Variants in CAPN14 observed in about 807,000 individuals in gnomAD.
CAPN14 encodes the protein calpain 14.
Under a neutral mutation model 101.3 loss-of-function variants are expected in CAPN14, and 94 were observed. The observed-to-expected ratio is 0.93, with a 90% CI of 0.79 to 1.10. CAPN14 has a LOEUF of 1.10. Among genes scored for constraint, CAPN14 ranks in the 50% least tolerant of loss-of-function variants. CAPN14 has a pLI of 0.00. For synonymous variants in CAPN14, 338 were observed against 317.9 expected (o/e 1.06, Z -0.67); for missense variants, 837 against 828.4 (o/e 1.01, Z -0.13).
intron 10 of CAPN14, 143 bp downstream of exon 10, chr2:31,192,988 G>A: frequency 1.3e-6 from 1 of 798,040 alleles, no homozygotes; most frequent in Non-Finnish European, 2.0e-6. Flanking sequence ...TTATAGCCCA[G>A]GGCCCCAACA....
chr2:31,181,400 TTC>T (rs1326036911), intron 16 of CAPN14, among the ~76,000 whole-genome samples: 1 of 57,884 alleles, frequency 1.7e-5, no homozygotes, highest in Non-Finnish European at 4.7e-5. Flanking sequence ...CTTTCTTTTT[TTC>T]TTTCTTTCTT....
intron 17 of CAPN14, among the ~76,000 whole-genome samples, chr2:31,180,494 A>C (rs60854003): frequency 0.33 from 50,605 of 151,966 alleles, 10,015 homozygotes; most frequent in African/African-American, 0.55. Context: ...TTCCCTGAGC[A>C]CTGGTTTCCT....
At chr2:31,181,435 T>C (rs571907957) in intron 16 of CAPN14, among the ~76,000 whole-genome samples, 219 of 142,390 alleles carry the variant, frequency 1.5e-3, no homozygotes, top group Middle Eastern at 3.5e-3. Flanking sequence ...TCTTTCTTTC[T>C]TTCTTTCTTT....
intron 1 of CAPN14, chr2:31,228,442 C>A (rs1683091388): frequency 6.6e-6 from 1 of 152,156 alleles, no homozygotes; most frequent in Admixed American, 6.6e-5. Flanking sequence ...CATAGTGTCA[C>A]CCCTAAGAAC....
chr2:31,217,313 G>A (rs1682695508), intron 1 of CAPN14, 143 bp downstream of exon 1: 1 of 152,064 alleles, frequency 6.6e-6, no homozygotes, highest in Admixed American at 6.6e-5. Context: ...CAGACTCCAG[G>A]GTTTTTTCTG....
chr2:31,181,404 TTCTTTCTTTC>T (rs1413235078), intron 16 of CAPN14, among the ~76,000 whole-genome samples: 6 of 115,584 alleles, frequency 5.2e-5, no homozygotes, highest in African/African-American at 1.6e-4. Flanking sequence ...CTTTTTTTCT[TTCTTTCTTTC>T]TTTCTTTCTT....
Position 31,200,574 on chromosome 2 carries a change from A to G in CAPN14, c.603T>C (p.Leu201=). ...DLQSGQVSEA[L]VDFTGGVTMT... ...TTGTCACCCCTCCAGTGAAGTCTAC[A>G]AGGGCTTCAGACACCTGTCCTGACT... The change falls in exon 6 of 22, where the codon CTT becomes CTC. Residue 201 remains leucine, a synonymous_variant. Transcript: ENST00000403897. 1 of 1,551,660 alleles carries G rather than the reference A, an allele frequency of 6.4e-7. No individual in the cohort carries two copies. The highest frequency in any genetic ancestry group is 8.7e-7 in the Non-Finnish European group (1 of 1,146,960).
At chr2:31,188,655 G>A (rs1233777405) in intron 13 of CAPN14, among the ~76,000 whole-genome samples, 4 of 152,158 alleles carry the variant, frequency 2.6e-5, no homozygotes, top group Non-Finnish European at 5.9e-5. Context: ...ACCTGTGGCC[G>A]AGACATAAAA....
intron 1 of CAPN14, among the ~76,000 whole-genome samples, chr2:31,212,589 C>T (rs1442135464): frequency 6.6e-6 from 1 of 152,108 alleles, no homozygotes; most frequent in Non-Finnish European, 1.5e-5. Context: ...GTGGGAAAAA[C>T]TGAGATCCTA....
intron 1 of CAPN14, among the ~76,000 whole-genome samples, chr2:31,216,963 A>C (rs1323045253): frequency 4.6e-5 from 7 of 152,172 alleles, no homozygotes; most frequent in African/African-American, 1.2e-4. Context: ...GCCCAGCCTC[A>C]CTGCTTATCA....
intron 2 of CAPN14, among the ~76,000 whole-genome samples, chr2:31,224,296 G>A (rs1572449300): frequency 6.6e-6 from 1 of 151,986 alleles, no homozygotes; most frequent in Non-Finnish European, 1.5e-5. Flanking sequence ...ACATATGAAG[G>A]CTTCTATACA....
At chr2:31,180,720 T>C (rs1680550433) in intron 17 of CAPN14, among the ~76,000 whole-genome samples, 2 of 152,178 alleles carry the variant, frequency 1.3e-5, no homozygotes, top group South Asian at 4.1e-4. Context: ...TTACCTGTAT[T>C]ATCTCATTTG....
chr2:31,177,491 C>T (rs1680364467), intron 19 of CAPN14, among the ~76,000 whole-genome samples: 1 of 152,116 alleles, frequency 6.6e-6, no homozygotes, highest in Non-Finnish European at 1.5e-5. Flanking sequence ...CAATTTCTTC[C>T]TCTGTGAAGT....
chr2:31,215,077 T>C (rs1468967871), intron 1 of CAPN14, among the ~76,000 whole-genome samples: 1 of 152,180 alleles, frequency 6.6e-6, no homozygotes, highest in African/African-American at 2.4e-5. Context: ...GCTGCCCTGC[T>C]CTGACACTTT....
intron 8 of CAPN14, among the ~76,000 whole-genome samples, chr2:31,194,887 C>T (rs1007441650): frequency 1.3e-5 from 2 of 152,148 alleles, no homozygotes; most frequent in Non-Finnish European, 2.9e-5. Context: ...TAGCCTCCTA[C>T]CATCAAGAAA....
chr2:31,177,690 G>T (rs1022386196), intron 19 of CAPN14, 56 bp downstream of exon 19: 2 of 1,286,454 alleles, frequency 1.6e-6, no homozygotes, highest in African/African-American at 1.5e-5. Context: ...TCCTCTGCCT[G>T]ATGAGTGTGC....
chr2:31,207,443 T>A (rs1416992085), intron 1 of CAPN14, among the ~76,000 whole-genome samples: 1 of 152,236 alleles, frequency 6.6e-6, no homozygotes. Flanking sequence ...ACATAACATT[T>A]TAAAAGATAC....
At chr2:31,201,010 G>C (rs1054187973) in intron 5 of CAPN14, among the ~76,000 whole-genome samples, 4 of 152,094 alleles carry the variant, frequency 2.6e-5, no homozygotes, top group African/African-American at 9.7e-5. Flanking sequence ...CAACACCCTG[G>C]ACTCAAGAAA....
At chr2:31,192,124 A>G (rs748197532) in intron 10 of CAPN14, 26 bp from the exon 11 acceptor site, 1 of 1,521,490 alleles carries the variant, frequency 6.6e-7, no homozygotes, top group South Asian at 1.2e-5. Context: ...GCAAGGTGAG[A>G]ATGGGCCCCG....
Sources: allele counts gnomAD v4.1 joint callset (sites outside exome capture counted in the v4.1 genomes callset), GRCh38; gene constraint gnomAD v4.1.1; transcripts MANE v1.5; gene names NCBI Gene and HGNC (gene_info 2026-07-23, HGNC 2026-07-21).